Variants in XKR6 observed in about 807,000 individuals in gnomAD.
XKR6 encodes XK-related protein 6.
A neutral mutation model predicts 56.7 loss-of-function variants in XKR6; 22 were observed. That is an observed-to-expected ratio of 0.39 (90% CI 0.28 to 0.55). The LOEUF (loss-of-function observed/expected upper bound fraction) is 0.55. Ranked by LOEUF, XKR6 falls within the 20% of genes least tolerant of loss-of-function variation. XKR6 has a pLI of 0.66. For missense variants in XKR6, 852 were observed against 889.0 expected (o/e 0.96, Z 0.53); for synonymous variants, 524 against 387.8 (o/e 1.35, Z -4.13).
At chr8:11,108,484 A>G (rs1486690089) in intron 1 of XKR6, 1 of 391,334 alleles carries the variant, frequency 2.6e-6, no homozygotes, top group Admixed American at 3.2e-5. Flanking sequence ...ACAGGACATT[A>G]GTACTCAACT....
At chr8:11,026,608 C>T (rs887163591) in intron 1 of XKR6, among the ~76,000 whole-genome samples, 6 of 149,570 alleles carry the variant, frequency 4.0e-5, no homozygotes, top group Non-Finnish European at 4.4e-5. Flanking sequence ...TAGCCTACTA[C>T]ACACTTAGAT....
intron 1 of XKR6, among the ~76,000 whole-genome samples, chr8:11,121,749 G>C (rs1319070946): frequency 6.6e-6 from 1 of 152,086 alleles, no homozygotes; most frequent in Admixed American, 6.6e-5. Flanking sequence ...TGTTTATTGC[G>C]GCACTATTCA....
At chr8:11,039,723 G>T (rs1417427221) in intron 1 of XKR6, among the ~76,000 whole-genome samples, 1 of 152,210 alleles carries the variant, frequency 6.6e-6, no homozygotes, top group Non-Finnish European at 1.5e-5. Flanking sequence ...CCTTCCCAAG[G>T]ACGGCAGCTG....
At chr8:10,913,509 A>AC (rs1020340779) in intron 2 of XKR6, among the ~76,000 whole-genome samples, 1 of 151,924 alleles carries the variant, frequency 6.6e-6, no homozygotes, top group African/African-American at 2.4e-5. Context: ...GGCCATATGC[A>AC]CCCCCCAGCC....
intron 1 of XKR6, 43 bp from the exon 2 acceptor site, chr8:10,924,873 G>A: frequency 1.3e-6 from 2 of 1,576,804 alleles, no homozygotes; most frequent in East Asian, 2.2e-5. Flanking sequence ...ATGGGTGGGT[G>A]CAGGGGCTCC....
At chr8:11,099,702 G>A (rs965817307) in intron 1 of XKR6, among the ~76,000 whole-genome samples, 1 of 152,208 alleles carries the variant, frequency 6.6e-6, no homozygotes, top group Non-Finnish European at 1.5e-5. Context: ...CTCACGCATT[G>A]TTCTAGGTCT....
At chr8:11,195,719 G>C (rs1290180544) in intron 1 of XKR6, among the ~76,000 whole-genome samples, 1 of 151,068 alleles carries the variant, frequency 6.6e-6, no homozygotes, top group Non-Finnish European at 1.5e-5. Flanking sequence ...CGCGAACTTG[G>C]CTCACTGCAA....
intron 2 of XKR6, among the ~76,000 whole-genome samples, chr8:10,899,359 G>T (rs550981212): frequency 6.6e-6 from 1 of 152,346 alleles, no homozygotes; most frequent in African/African-American, 2.4e-5. Context: ...AAGACCAAGG[G>T]TTTACCCACC....
At chr8:10,996,156 A>G (rs1218300269) in intron 1 of XKR6, among the ~76,000 whole-genome samples, 3 of 152,208 alleles carry the variant, frequency 2.0e-5, no homozygotes, top group African/African-American at 7.2e-5. Flanking sequence ...TCTGTTACCA[A>G]CTTCTCAGGT....
chr8:11,081,019 G>C (rs1454698693), intron 1 of XKR6, among the ~76,000 whole-genome samples: 1 of 152,172 alleles, frequency 6.6e-6, no homozygotes, highest in Non-Finnish European at 1.5e-5. Flanking sequence ...TAGTTATTTG[G>C]GACAAAGACC....
chr8:11,199,217 C>T lies in XKR6; in HGVS notation c.764+1359G>A, dbSNP rs1454969390. Reference sequence around the variant, plus strand: ...ACAACTCTGGGTGGTGCAGGGCCTACGGAACCACCCTCACTTCCCCTAGCC... The same window carrying T: ...ACAACTCTGGGTGGTGCAGGGCCTATGGAACCACCCTCACTTCCCCTAGCC... On this transcript the variant is annotated intron_variant, in intron 1 of 2. Coordinates refer to ENST00000416569, the MANE Select transcript of XKR6 (RefSeq NM_173683.4). Among the ~76,000 whole-genome samples the T allele has an allele frequency of 6.6e-5, 10 of 152,210 alleles. No homozygotes were observed. In the East Asian group the frequency reaches 1.5e-3, roughly 23 times the overall value.
chr8:11,152,284 T>C (rs78797714), intron 1 of XKR6, among the ~76,000 whole-genome samples: 6,945 of 152,300 alleles, frequency 0.046, 339 homozygotes, highest in African/African-American at 0.12. Flanking sequence ...TTCTCTACAG[T>C]TGCCCTTCCT....
intron 1 of XKR6, among the ~76,000 whole-genome samples, chr8:10,946,062 T>A (rs936157183): frequency 5.3e-5 from 8 of 152,138 alleles, no homozygotes; most frequent in Admixed American, 5.2e-4. Flanking sequence ...ACCGCTGCCA[T>A]GCCCGTGATG....
chr8:11,102,818 C>T lies in XKR6; in HGVS notation c.764+97758G>A, dbSNP rs935509228. Among the ~76,000 whole-genome samples the T allele has an allele frequency of 7.2e-5, 11 of 152,230 alleles. 1 individual carries two copies. The highest frequency in any genetic ancestry group is 2.7e-4 in the African/African-American group (11 of 41,464). ...AACACTGCCTGTCCCTAGCTCAGAA[C>T]TGGCTGCATTTGGAGGATTTTCACC... On this transcript the variant is annotated intron_variant, in intron 1 of 2. Coordinates refer to ENST00000416569, the MANE Select transcript of XKR6 (RefSeq NM_173683.4).
chr8:11,078,427 G>A (rs894155855), intron 1 of XKR6, among the ~76,000 whole-genome samples: 6 of 152,160 alleles, frequency 3.9e-5, no homozygotes, highest in Non-Finnish European at 7.3e-5. Context: ...ACCAGGTACC[G>A]TCTGCCATTC....
At chr8:11,061,298 C>G (rs1284333071) in intron 1 of XKR6, among the ~76,000 whole-genome samples, 1 of 152,078 alleles carries the variant, frequency 6.6e-6, no homozygotes, top group East Asian at 1.9e-4. Context: ...AACCCCATCT[C>G]TACAAAAAGA....
At chr8:10,953,087 C>G (rs915379582) in intron 1 of XKR6, among the ~76,000 whole-genome samples, 39 of 152,182 alleles carry the variant, frequency 2.6e-4, no homozygotes, top group Middle Eastern at 3.2e-3. Flanking sequence ...CCCACTGATT[C>G]TGCACTGTGG....
At chr8:11,014,799 T>C (rs1035473509) in intron 1 of XKR6, among the ~76,000 whole-genome samples, 1 of 151,998 alleles carries the variant, frequency 6.6e-6, no homozygotes, top group Non-Finnish European at 1.5e-5. Flanking sequence ...TCCCGCAACA[T>C]ACCCATGTAA....
At chr8:11,137,338 A>G (rs934750102) in intron 1 of XKR6, 3 of 318,436 alleles carry the variant, frequency 9.4e-6, no homozygotes, top group Admixed American at 4.6e-5. Flanking sequence ...TGAGAAAAAG[A>G]AAACAATTAT....
Sources: gnomAD v4.1 joint callset for allele counts (sites outside exome capture counted in the v4.1 genomes callset) on GRCh38, gnomAD v4.1.1 for gene constraint, MANE v1.5 for transcripts, NCBI Gene and HGNC (gene_info 2026-07-23, HGNC 2026-07-21) for gene names.